Variants in TOP3B observed in about 807,000 individuals in gnomAD.
TOP3B encodes DNA topoisomerase 3-beta-1.
A neutral mutation model predicts 93.9 loss-of-function variants in TOP3B; 45 were observed. That is an observed-to-expected ratio of 0.48 (90% CI 0.38 to 0.61). TOP3B has a LOEUF of 0.61. Ranked by LOEUF, TOP3B falls within the 20% of genes least tolerant of loss-of-function variation. TOP3B has a pLI of 0.00. For synonymous variants in TOP3B, 357 were observed against 472.6 expected (o/e 0.76, Z 3.17); for missense variants, 750 against 1,156.1 (o/e 0.65, Z 5.09).
In TOP3B at chr22:21,979,808, G is replaced by A. The variant is rs1049520644; in HGVS notation, c.-99+2922C>T. On this transcript the variant is annotated intron_variant, in intron 1 of 17. Coordinates refer to ENST00000357179, the MANE Select transcript of TOP3B (RefSeq NM_001282112.2). ...TACTAAAAATTAGCTGGGCATGGTG[G>A]CAGGCGCCTGTAGTCCCAGCTACTC... is the stretch of plus-strand genomic sequence containing the variant. 2.6e-5 allele frequency among the ~76,000 whole-genome samples: 4 copies of A among 151,724 alleles called. No individual in the cohort carries two copies. The East Asian group carries it at 7.7e-4, about 29-fold the overall frequency.
At chr22:21,974,057 C>T in intron 3 of TOP3B, 1 of 230,644 alleles carries the variant, frequency 4.3e-6, no homozygotes, top group Non-Finnish European at 8.6e-6. Flanking sequence ...CTCTTAAATG[C>T]CTGCACAGGT....
Position 21,965,363 on chromosome 22 carries a change from T to C in TOP3B, c.865A>G (p.Ser289Gly), listed in dbSNP as rs1210445439. The stretch of plus-strand genomic sequence containing the variant: ...CTCTGCTTGGCCTTTTCTTTCCTGC[T>C]TGTGGCCTCCACCTGGAAGACAGGA... ...LEKEAQVEATSRKEKAKQRPL... is the reference protein window; with the variant it reads ...LEKEAQVEATGRKEKAKQRPL... The change falls in exon 9 of 18, where the codon AGC (serine) becomes GGC (glycine). Residue 289 changes from serine (S) to glycine (G), a missense_variant. Ser to Gly is a moderately conservative substitution (Grantham distance 56, BLOSUM62 0). Transcript: ENST00000357179. The C allele has an allele frequency of 1.9e-6, 3 of 1,604,270 alleles. No homozygotes were observed. In the African/African-American group the frequency reaches 4.0e-5, roughly 22 times the overall value.
intron 6 of TOP3B, chr22:21,969,419 G>A (rs2071543694): frequency 6.6e-6 from 1 of 151,228 alleles, no homozygotes; most frequent in Admixed American, 6.6e-5. Context: ...TGGCCAACAT[G>A]GTGAAACCCC....
At chr22:21,960,274 A>C in intron 14 of TOP3B, 47 bp downstream of exon 14, 1 of 1,611,310 alleles carries the variant, frequency 6.2e-7, no homozygotes, top group East Asian at 2.2e-5. Context: ...TCCAGGGAGA[A>C]GCCAGGGAGC....
intron 9 of TOP3B, 46 bp from the exon 10 acceptor site, chr22:21,964,361 G>C: frequency 6.2e-7 from 1 of 1,605,746 alleles, no homozygotes; most frequent in Non-Finnish European, 8.5e-7. Context: ...CGTGGGGATG[G>C]CCAGCTGCCT....
intron 13 of TOP3B, 171 bp downstream of exon 13, chr22:21,962,258 C>T (rs753723283): frequency 2.5e-5 from 40 of 1,570,404 alleles, no homozygotes; most frequent in Non-Finnish European, 3.2e-5. Flanking sequence ...AGGGGATGCC[C>T]GCTGTGGACC....
chr22:21,959,801 C>T, intron 14 of TOP3B, 65 bp from the exon 15 acceptor site: 5 of 1,573,050 alleles, frequency 3.2e-6, no homozygotes, highest in Middle Eastern at 2.2e-4. Flanking sequence ...CCACCCCTTC[C>T]CAGGCAGGGA....
At chr22:21,964,657 A>G in intron 9 of TOP3B, 1 of 345,908 alleles carries the variant, frequency 2.9e-6, no homozygotes, top group Non-Finnish European at 5.5e-6. Flanking sequence ...TGCATTGTCC[A>G]TGGAGCCATA....
intron 2 of TOP3B, 199 bp from the exon 3 acceptor site, chr22:21,974,687 C>A: frequency 3.8e-6 from 2 of 522,262 alleles, no homozygotes; most frequent in Non-Finnish European, 6.7e-6. Flanking sequence ...CATCTGCCAA[C>A]AACCTAGCAC....
rs756393355 is a variant in TOP3B, at chr22:21,967,692, G to C, written c.763C>G (p.Leu255Val). Residue 255 changes from leucine (L) to valine (V), a missense_variant, in exon 8 of 18, where the codon CTC becomes GTC. This residue lies in a region of TOP3B where 737 missense variants were observed against 933.7 expected (regional missense o/e 0.79). Transcript: ENST00000357179. ...CTTACTCGGTCCCAGTCCAAAAGGA[G>C]AGATCTGTCTTTGTCAGTGTTAACC... ...AKVNTDKDRS[L>V]LLDWDRVRVF... The C allele has an allele frequency of 6.2e-7, 1 of 1,614,092 alleles. No individual in the cohort carries two copies. The highest frequency in any genetic ancestry group is 8.5e-7 in the Non-Finnish European group (1 of 1,179,974).
Position 21,970,778 on chromosome 22 carries a change from T to G in TOP3B, c.385-372A>C. ...CCTCTTAGTCCCCAAACCCATCCCA[T>G]GTGACACGATTCCCTGCCTTCTAGG... On this transcript the variant is annotated intron_variant, in intron 5 of 17. Coordinates refer to ENST00000357179, the MANE Select transcript of TOP3B (RefSeq NM_001282112.2). This position sits in a 1 kb window ranked among gnomAD's most constrained non-coding sequence, Gnocchi z 4.4. The G allele has an allele frequency of 3.4e-6, 1 of 295,792 alleles. No individual in the cohort carries two copies. Among genetic ancestry groups the G allele is most frequent in the Non-Finnish European group, 6.6e-6 (1 of 150,528 alleles). The allele number at this position is 295,792 out of a possible 1,614,324, so 18.3% of individuals were successfully genotyped here.
At chr22:21,958,752 C>A in intron 16 of TOP3B, 59 bp from the exon 17 acceptor site, 12 of 1,513,842 alleles carry the variant, frequency 7.9e-6, no homozygotes, top group Non-Finnish European at 1.1e-5. Flanking sequence ...TTGGCACCCA[C>A]CCCCACTCCT....
chr22:21,960,248 G>A, intron 14 of TOP3B, 73 bp downstream of exon 14: 3 of 1,603,464 alleles, frequency 1.9e-6, no homozygotes, highest in Non-Finnish European at 2.6e-6. Context: ...GTCTGGAGCG[G>A]GCAGCAGAGC....
intron 1 of TOP3B, chr22:21,982,449 G>A (rs545286781): frequency 2.6e-5 from 4 of 152,302 alleles, no homozygotes; most frequent in Admixed American, 2.6e-4. Context: ...ACCCTAAAGA[G>A]CTGTGGGAGG....
In TOP3B at chr22:21,965,330, C is replaced by T; in HGVS notation, c.898G>A (p.Ala300Thr). 6.2e-7 allele frequency: 1 copy of T among 1,609,522 alleles called. No individual in the cohort carries two copies. Among genetic ancestry groups the T allele is most frequent in the Non-Finnish European group, 8.5e-7 (1 of 1,178,010 alleles). The change falls in exon 9 of 18, where the codon GCC becomes ACC. Residue 300 changes from alanine to threonine, a missense_variant. Physicochemically the swap from Ala to Thr is moderately conservative, Grantham distance 58. Transcript: ENST00000357179. ...RKEKAKQRPL[A>T]LNTVEMLRVA... ...CGCAGCATCTCCACAGTGTTCAGGG[C>T]CAGGGGCCTCTGCTTGGCCTTTTCT...
At position 21,963,010 on chromosome 22, in the gene TOP3B, C is replaced by T; in HGVS notation, c.1205-117G>A. The T allele has an allele frequency of 2.4e-6, 3 of 1,259,466 alleles. No homozygotes were observed. The highest frequency in any genetic ancestry group is 2.2e-5 in the Admixed American group (1 of 45,498). The allele number at this position is 1,259,466 out of a possible 1,614,324, so 78.0% of individuals were successfully genotyped here. Reference sequence around the variant, plus strand: ...GCTTACAGAGCCGCTGTGCAGGACACACTGCAAATCCTGGGGAAGGAGGAA... The same window carrying T: ...GCTTACAGAGCCGCTGTGCAGGACATACTGCAAATCCTGGGGAAGGAGGAA... On this transcript the variant is annotated intron_variant, in intron 11 of 17. Transcript: ENST00000357179. This position sits in a 1 kb window ranked among gnomAD's most constrained non-coding sequence, Gnocchi z 4.8.
At chr22:21,972,745 G>A (rs762088476) in intron 3 of TOP3B, 27 bp from the exon 4 acceptor site, 3 of 1,585,310 alleles carry the variant, frequency 1.9e-6, no homozygotes, top group South Asian at 1.1e-5. Context: ...GTGACATTGA[G>A]TCACAGGAGC....
chr22:21,970,614 C>T lies in TOP3B; in HGVS notation c.385-208G>A, dbSNP rs1169947796. The T allele has an allele frequency of 5.0e-6, 3 of 595,244 alleles. No homozygotes were observed. The highest frequency in any genetic ancestry group is 1.9e-5 in the African/African-American group (1 of 53,902). 36.9% of individuals were successfully genotyped at this position (595,244 alleles called of 1,614,324 possible). On this transcript the variant is annotated intron_variant, in intron 5 of 17. Transcript: ENST00000357179. The surrounding 1 kb of genome is among the most constrained non-coding windows in gnomAD (Gnocchi z 4.4). ...CTTTCCAGAAGCCCTGAGCACTCCA[C>T]AACACCCCACCACATGGCTTCCTTT...
chr22:21,960,529 G>A (rs1323132349), intron 13 of TOP3B, 80 bp from the exon 14 acceptor site: 45 of 1,582,296 alleles, frequency 2.8e-5, no homozygotes, highest in Admixed American at 8.5e-5. Context: ...ACCTGTCACG[G>A]GGCCCCTGGT....
Sources: gnomAD v4.1 joint callset for allele counts (sites outside exome capture counted in the v4.1 genomes callset) on GRCh38, gnomAD v4.1.1 for gene constraint, gnomAD v4.1.1 regional missense constraint, Gnocchi (gnomAD v3.1) non-coding constraint, MANE v1.5 for transcripts, NCBI Gene and HGNC (gene_info 2026-07-23, HGNC 2026-07-21) for gene names.